Variants in PDZD2 observed in about 807,000 individuals in gnomAD.
The protein encoded by PDZD2 is PDZ domain-containing protein 2.
In PDZD2, 90 loss-of-function variants were observed where a neutral mutation model predicts 220.7. That is an observed-to-expected ratio of 0.41 (90% confidence interval 0.34 to 0.49). The LOEUF is 0.49. PDZD2 is among the 20% of genes least tolerant of loss of function. PDZD2 has a pLI of 0.28. For synonymous variants in PDZD2, 1,375 were observed against 1,450.5 expected, an observed-to-expected ratio of 0.95 and a Z score of 1.18; for missense variants, 3,174 against 3,608.5, an observed-to-expected ratio of 0.88 and a Z score of 3.08.
At chr5:32,066,705 C>T (rs1740242201) in intron 14 of PDZD2, among the ~76,000 whole-genome samples, 1 of 152,206 alleles carries the variant, frequency 6.6e-6, no homozygotes, top group Admixed American at 6.5e-5. Context: ...GCATGTCTGA[C>T]TTCAAAATAA....
At chr5:31,699,546 C>G (rs1032689824) in intron 1 of PDZD2, among the ~76,000 whole-genome samples, 1 of 151,966 alleles carries the variant, frequency 6.6e-6, no homozygotes, top group Non-Finnish European at 1.5e-5. Context: ...CCCAGGAGTT[C>G]GAGATCAGCC....
At chr5:31,704,838 C>T (rs1474773256) in intron 1 of PDZD2, among the ~76,000 whole-genome samples, 1 of 152,158 alleles carries the variant, frequency 6.6e-6, no homozygotes, top group Non-Finnish European at 1.5e-5. Context: ...TACTTCGGCT[C>T]TTACAGAAAC....
chr5:31,757,548 C>T (rs940465227), intron 1 of PDZD2, among the ~76,000 whole-genome samples: 2 of 151,332 alleles, frequency 1.3e-5, no homozygotes, highest in Non-Finnish European at 2.9e-5. Flanking sequence ...GCCGAGATTG[C>T]GCCAGTGCAC....
intron 2 of PDZD2, among the ~76,000 whole-genome samples, chr5:31,951,187 C>T (rs746106917): frequency 2.0e-5 from 3 of 152,188 alleles, no homozygotes; most frequent in Admixed American, 6.5e-5. Flanking sequence ...CCACCCACAG[C>T]CTCCCTGGTA....
At chr5:31,947,222 C>G (rs1008499630) in intron 2 of PDZD2, among the ~76,000 whole-genome samples, 63 of 152,206 alleles carry the variant, frequency 4.1e-4, no homozygotes, top group African/African-American at 1.5e-3. Context: ...TGTGTACTCT[C>G]TGGTTGTTGA....
chr5:31,715,433 C>G (rs1169181775), intron 1 of PDZD2, among the ~76,000 whole-genome samples: 1 of 152,110 alleles, frequency 6.6e-6, no homozygotes, highest in Non-Finnish European at 1.5e-5. Flanking sequence ...TTGTGCACAT[C>G]CCGGAACCAA....
At chr5:31,711,197 T>G (rs1055868595) in intron 1 of PDZD2, among the ~76,000 whole-genome samples, 19 of 152,170 alleles carry the variant, frequency 1.2e-4, no homozygotes, top group African/African-American at 4.1e-4. Flanking sequence ...CTGCCCTTTT[T>G]CCTAAGACAA....
intron 2 of PDZD2, among the ~76,000 whole-genome samples, chr5:31,803,695 G>A (rs1754539067): frequency 6.6e-6 from 1 of 151,962 alleles, no homozygotes; most frequent in Admixed American, 6.6e-5. Flanking sequence ...GCCACCCCTG[G>A]GAGGGGCAGC....
intron 2 of PDZD2, among the ~76,000 whole-genome samples, chr5:31,822,029 G>A (rs1233109205): frequency 6.6e-6 from 1 of 152,036 alleles, no homozygotes; most frequent in Non-Finnish European, 1.5e-5. Flanking sequence ...TGAACTCATC[G>A]TTTTTTATGG....
At chr5:31,718,139 C>T (rs894502993) in intron 1 of PDZD2, among the ~76,000 whole-genome samples, 1 of 152,182 alleles carries the variant, frequency 6.6e-6, no homozygotes, top group African/African-American at 2.4e-5. Context: ...GAAGGTAAGA[C>T]GCTAAGGAGG....
Position 32,061,144 on chromosome 5 carries a change from T to A in PDZD2, c.2451+10T>A, listed in dbSNP as rs757465716. The A allele has an allele frequency of 1.9e-6, 3 of 1,613,698 alleles. No individual in the cohort carries two copies. The highest frequency in any genetic ancestry group is 4.5e-5 in the East Asian group (2 of 44,886). On this transcript the variant is annotated intron_variant, in intron 14 of 24. Coordinates refer to ENST00000438447, the MANE Select transcript of PDZD2 (RefSeq NM_178140.4). ...GCACCCTAATCCAAAGGTGAGGTGG[T>A]CCACCCTCTTCTGAACGTGGGAAGA...
intron 14 of PDZD2, among the ~76,000 whole-genome samples, chr5:32,067,835 T>C (rs1362661323): frequency 1.1e-4 from 16 of 152,112 alleles, no homozygotes. Context: ...TACTAATAAA[T>C]ATAGAAGGAA....
At position 31,652,781 on chromosome 5, in the gene PDZD2, C is replaced by T. The variant is rs548197997; in HGVS notation, c.-361+13344C>T. Among the ~76,000 whole-genome samples, 5 of 152,254 alleles carry T rather than the reference C, an allele frequency of 3.3e-5. No individual in the cohort carries two copies. The East Asian group carries it at 9.7e-4, about 29-fold the overall frequency. ...ATCCCAGCACTTTGGGAGGCCAAGG[C>T]AGGCGGATCACTTGAGGTCAGGAGT... On this transcript the variant is annotated intron_variant, in intron 1 of 24. Transcript: ENST00000438447.
chr5:32,056,906 A>G (rs1459184973), intron 10 of PDZD2, among the ~76,000 whole-genome samples: 1 of 152,108 alleles, frequency 6.6e-6, no homozygotes, highest in Non-Finnish European at 1.5e-5. Flanking sequence ...CCTGGCCAAC[A>G]TGGTGAAACC....
At chr5:31,645,751 C>T (rs543594473) in intron 1 of PDZD2, among the ~76,000 whole-genome samples, 3 of 152,074 alleles carry the variant, frequency 2.0e-5, no homozygotes, top group Non-Finnish European at 4.4e-5. Context: ...CAGCCATCAT[C>T]CTGCTTGGCT....
chr5:32,093,601 T>C (rs188329489), intron 21 of PDZD2, among the ~76,000 whole-genome samples: 32 of 152,336 alleles, frequency 2.1e-4, no homozygotes, highest in East Asian at 7.7e-4. Context: ...AAACAGTCAA[T>C]TAACACAAGT....
intron 1 of PDZD2, among the ~76,000 whole-genome samples, chr5:31,791,434 T>C (rs776174440): frequency 1.1e-4 from 17 of 151,494 alleles, no homozygotes; most frequent in Non-Finnish European, 2.4e-4. Context: ...CTACTAAAAA[T>C]ACAAAATTAG....
rs191810601 is a variant in PDZD2 at position 31,840,885 on chromosome 5, T to C, written c.476+41161T>C. Reference sequence around the variant, plus strand: ...ATCACCTTTCTTATAGATTCACATATACATGGACAAAGGAATAACTCCATG... The same window carrying C: ...ATCACCTTTCTTATAGATTCACATACACATGGACAAAGGAATAACTCCATG... On this transcript the variant is annotated intron_variant, in intron 2 of 24. Coordinates refer to ENST00000438447, the MANE Select transcript of PDZD2 (RefSeq NM_178140.4). 1,022 of 642,330 alleles carry C rather than the reference T, an allele frequency of 1.6e-3. 4 individuals carry two copies. Among genetic ancestry groups the C allele is most frequent in the Non-Finnish European group, 1.5e-3 (516 of 354,312 alleles). 39.8% of individuals were successfully genotyped at this position (642,330 alleles called of 1,614,324 possible).
In PDZD2 at chr5:32,048,680, C is replaced by T. The variant is rs1250463294; in HGVS notation, c.1661C>T (p.Ser554Leu). ...LPQLLDSSSA[S>L]QEYHIVKKST... is the part of the protein sequence containing the mutation. The stretch of plus-strand genomic sequence containing the variant: ...CAGCTGCTGGACTCTTCCAGTGCCT[C>T]ACAGGTCCGACCAGGGCTGTGGATC... Residue 554 changes from serine to leucine, a missense_variant, in exon 8 of 25, where the codon TCA (serine) becomes TTA (leucine). This residue lies in a region of PDZD2 where 632 missense variants were observed against 708.1 expected (regional missense o/e 0.89). Transcript: ENST00000438447. 1.2e-6 allele frequency: 2 copies of T among 1,613,894 alleles called. No individual in the cohort carries two copies. Among genetic ancestry groups the T allele is most frequent in the Admixed American group, 1.7e-5 (1 of 59,992 alleles).
Sources: gnomAD v4.1 joint callset for allele counts (sites outside exome capture counted in the v4.1 genomes callset) on GRCh38, gnomAD v4.1.1 for gene constraint, gnomAD v4.1.1 regional missense constraint, MANE v1.5 for transcripts, NCBI Gene and HGNC (gene_info 2026-07-23, HGNC 2026-07-21) for gene names.